The following PADI2 variants were observed in gnomAD, a reference collection of about 807,000 sequenced individuals.
PADI2 encodes the protein protein-arginine deiminase type-2.
In PADI2, 70 loss-of-function variants were observed where a neutral mutation model predicts 81.1. That is an observed-to-expected ratio of 0.86 (90% CI 0.71 to 1.05). The LOEUF (loss-of-function observed/expected upper bound fraction) is 1.05, where lower values mean the gene tolerates loss of function less well. Ranked by LOEUF, PADI2 falls within the 50% of genes least tolerant of loss-of-function variation. The probability of loss-of-function intolerance (pLI) is 0.00; values close to 1 mark genes in which losing one functional copy is unlikely to be tolerated. For synonymous variants in PADI2, 338 were observed against 358.0 expected (o/e 0.94, Z 0.63); for missense variants, 853 against 889.9 (o/e 0.96, Z 0.53).
chr1:17,088,795 T>C (rs1930559643), intron 6 of PADI2, among the ~76,000 whole-genome samples: 1 of 149,930 alleles, frequency 6.7e-6, no homozygotes, highest in South Asian at 2.1e-4. Context: ...TAATCCTAGC[T>C]ACTCGGGAGG....
intron 6 of PADI2, among the ~76,000 whole-genome samples, chr1:17,091,637 T>C (rs1005310596): frequency 2.0e-5 from 3 of 152,042 alleles, no homozygotes; most frequent in African/African-American, 7.2e-5. Context: ...GAGTGGCTGG[T>C]TCCTTCTTAT....
intron 10 of PADI2, 82 bp downstream of exon 10, chr1:17,082,463 C>T (rs963800083): frequency 1.7e-5 from 15 of 874,516 alleles, no homozygotes; most frequent in African/African-American, 5.0e-5. Context: ...TGTGTCAAGG[C>T]GGCCCAGGGT....
chr1:17,076,310 G>A (rs1557758610), intron 11 of PADI2, among the ~76,000 whole-genome samples: 1 of 152,056 alleles, frequency 6.6e-6, no homozygotes, highest in Non-Finnish European at 1.5e-5. Flanking sequence ...TGCCTCCCGG[G>A]TTCAAGCAAT....
chr1:17,113,050 C>T (rs1931641081), intron 1 of PADI2, among the ~76,000 whole-genome samples: 2 of 152,174 alleles, frequency 1.3e-5, no homozygotes, highest in Non-Finnish European at 2.9e-5. Context: ...CCACCTCTTC[C>T]AGGAAGTCAT....
In PADI2 at chr1:17,104,521, G is replaced by A. The variant is rs527479743; in HGVS notation, c.276+357C>T. 6.4e-3 allele frequency among the ~76,000 whole-genome samples: 770 copies of A among 120,732 alleles called. 4 individuals carry two copies. Among genetic ancestry groups the A allele is most frequent in the Middle Eastern group, 0.041 (7 of 170 alleles). The allele number at this position is 120,732 out of a possible 152,430, so 79.2% of individuals were successfully genotyped here. ...GCGATCTCGGCTCACTGCAAGCTCC[G>A]CCTCCCGGGTTCACGCCATTCTCCT... On this transcript the variant is annotated intron_variant, in intron 2 of 15. Transcript: ENST00000375486.
At chr1:17,076,136 C>T (rs547794762) in intron 11 of PADI2, among the ~76,000 whole-genome samples, 6 of 152,248 alleles carry the variant, frequency 3.9e-5, no homozygotes, top group South Asian at 2.1e-4. Flanking sequence ...GCCTGCTGGA[C>T]GGGGCTAGGG....
intron 9 of PADI2, 125 bp from the exon 10 acceptor site, chr1:17,082,777 G>C: frequency 1.6e-6 from 1 of 617,056 alleles, no homozygotes; most frequent in Non-Finnish European, 2.9e-6. Flanking sequence ...CCATTCCCTG[G>C]TCCCCCATCC....
chr1:17,070,089 A>T lies in PADI2; in HGVS notation c.1763T>A (p.Met588Lys). The change falls in exon 15 of 16, where the codon ATG (methionine) becomes AAG (lysine). Residue 588 changes from methionine (M) to lysine (K), a missense_variant and splice_region_variant. By Grantham distance (95) the Met-to-Lys change is moderately conservative. Transcript: ENST00000375486. ...GGGTTGGGGTCTGCAGGGCCTCACC[A>T]TGTTTGGGAAGAAGGCTCTGGCACG... ...DHRARAFFPN[M>K]VNMIVLDKDL... The T allele has an allele frequency of 1.2e-6, 2 of 1,613,540 alleles. No homozygotes were observed. Among genetic ancestry groups the T allele is most frequent in the Non-Finnish European group, 1.7e-6 (2 of 1,179,662 alleles).
chr1:17,095,944 G>C lies in PADI2; in HGVS notation c.376C>G (p.Arg126Gly), dbSNP rs750267958. The C allele has an allele frequency of 2.5e-6, 4 of 1,607,786 alleles. No homozygotes were observed. Among genetic ancestry groups the C allele is most frequent in the Non-Finnish European group, 2.5e-6 (3 of 1,177,236 alleles). Reference sequence around the variant, plus strand: ...TTGTTCTTCTCCACCACACCATCCCGGTCTGCGTCCACATCCAGGGAGATC... The same window carrying C: ...TTGTTCTTCTCCACCACACCATCCCCGTCTGCGTCCACATCCAGGGAGATC... ...IEISLDVDAD[R>G]DGVVEKNNPK... The change falls in exon 4 of 16, where the codon CGG (arginine) becomes GGG (glycine). Residue 126 changes from arginine (R) to glycine (G), a missense_variant. Physicochemically the swap from Arg to Gly is moderately radical, Grantham distance 125. Transcript: ENST00000375486.
chr1:17,070,234 T>C lies in PADI2; in HGVS notation c.1636-18A>G, dbSNP rs2078255904. 1.2e-6 allele frequency: 2 copies of C among 1,612,920 alleles called. No individual in the cohort carries two copies. On this transcript the variant is annotated intron_variant, in intron 14 of 15. Transcript: ENST00000375486. ...AGGCAGCGCTGGGTAGGAGAAAGGA[T>C]GGAGGGCATGCAGGTGAGGGGGACA...
At chr1:17,118,662 C>T (rs182034196) in intron 1 of PADI2, among the ~76,000 whole-genome samples, 2 of 152,236 alleles carry the variant, frequency 1.3e-5, no homozygotes, top group African/African-American at 2.4e-5. Flanking sequence ...TATTGTCCCT[C>T]TGTGGTCTCA....
intron 1 of PADI2, 137 bp from the exon 2 acceptor site, chr1:17,105,198 G>T: frequency 1.9e-6 from 1 of 540,502 alleles, no homozygotes; most frequent in Non-Finnish European, 3.2e-6. Context: ...TTTGAGACCA[G>T]CCTGGACAAC....
intron 2 of PADI2, among the ~76,000 whole-genome samples, chr1:17,103,877 G>C (rs1206189774): frequency 6.6e-6 from 1 of 150,896 alleles, no homozygotes; most frequent in Non-Finnish European, 1.5e-5. Flanking sequence ...CCAGCTACTC[G>C]GGAGGCTGGG....
In PADI2 at chr1:17,096,690, T is replaced by C. The variant is rs111502598; in HGVS notation, c.350-720A>G. ...CCATGGAGACAGGCTTTGTGGAGAC[T>C]GTAGGGAAGTGAAAAGGTTTAGTAT... On this transcript the variant is annotated intron_variant, in intron 3 of 15. Transcript: ENST00000375486. Among the ~76,000 whole-genome samples the C allele has an allele frequency of 2.4e-3, 373 of 152,308 alleles. 2 individuals are homozygous for C. The highest frequency in any genetic ancestry group is 8.8e-3 in the African/African-American group (366 of 41,572).
chr1:17,085,310 T>C (rs1338254175), intron 7 of PADI2, among the ~76,000 whole-genome samples: 4 of 152,136 alleles, frequency 2.6e-5, no homozygotes, highest in East Asian at 1.9e-4. Context: ...TCAAAAGATA[T>C]AGGAAATGGA....
At chr1:17,116,194 G>A (rs527888680) in intron 1 of PADI2, among the ~76,000 whole-genome samples, 11 of 152,360 alleles carry the variant, frequency 7.2e-5, no homozygotes, top group Non-Finnish European at 1.3e-4. Context: ...GAAGCTGGTA[G>A]GGCAGTGCCT....
chr1:17,096,094 C>T (rs1930916905), intron 3 of PADI2, 124 bp from the exon 4 acceptor site: 1 of 647,388 alleles, frequency 1.5e-6, no homozygotes, highest in Non-Finnish European at 2.7e-6. Flanking sequence ...AAGAGAGGAC[C>T]TCGCTGAAGT....
rs1194398319 is a variant in PADI2, at chr1:17,068,297, C to G, written c.*747G>C. The G allele has an allele frequency of 6.5e-6, 1 of 152,710 alleles. No individual in the cohort carries two copies. Among genetic ancestry groups the G allele is most frequent in the African/African-American group, 2.4e-5 (1 of 41,466 alleles). The allele number at this position is 152,710 out of a possible 1,614,324, so 9.5% of individuals were successfully genotyped here. A position where few individuals can be genotyped will look rare whatever the true frequency, so the allele number is the denominator to read the frequency against. ...ATCTTTACGCATTGAACTCTCAGGTCACAAGTATGCTGGTCTGGGGAGAAA... is the reference window on the plus strand; with the variant it reads ...ATCTTTACGCATTGAACTCTCAGGTGACAAGTATGCTGGTCTGGGGAGAAA... On this transcript the variant is annotated 3_prime_UTR_variant, in exon 16 of 16. Coordinates refer to ENST00000375486, the MANE Select transcript of PADI2 (RefSeq NM_007365.3).
In PADI2 at chr1:17,068,220, G is replaced by C. The variant is rs764772840; in HGVS notation, c.*824C>G. ...GTGGAAGGAGGAAGGTCAGGGAGCG[G>C]CCAGAGAATCAAGGACCAGGCAAGA... On this transcript the variant is annotated 3_prime_UTR_variant, in exon 16 of 16. Coordinates refer to ENST00000375486, the MANE Select transcript of PADI2 (RefSeq NM_007365.3). The C allele has an allele frequency of 6.5e-6, 1 of 153,032 alleles. No homozygotes were observed. Among genetic ancestry groups the C allele is most frequent in the East Asian group, 1.9e-4 (1 of 5,194 alleles). The allele number at this position is 153,032 out of a possible 1,614,324, so 9.5% of individuals were successfully genotyped here. A position where few individuals can be genotyped will look rare whatever the true frequency, so the allele number is the denominator to read the frequency against.
Sources: gnomAD v4.1 joint callset for allele counts (sites outside exome capture counted in the v4.1 genomes callset) on GRCh38, gnomAD v4.1.1 for gene constraint, MANE v1.5 for transcripts, NCBI Gene and HGNC (gene_info 2026-07-23, HGNC 2026-07-21) for gene names.